Variants in ATP2B2 observed in about 807,000 individuals in gnomAD.
ATP2B2 encodes the protein plasma membrane calcium-transporting ATPase 2.
A neutral mutation model predicts 120.0 loss-of-function variants in ATP2B2; 15 were observed. The ratio of observed to expected loss-of-function variants is 0.12; its 90% confidence interval spans 0.08 to 0.19. The LOEUF is 0.19. Among genes scored for constraint, ATP2B2 ranks in the 10% least tolerant of loss-of-function variants. The probability of loss-of-function intolerance (pLI) is 1.00; values close to 1 mark genes in which losing one functional copy is unlikely to be tolerated. For synonymous variants in ATP2B2, 694 were observed against 700.3 expected (o/e 0.99, Z 0.14); for missense variants, 1,045 against 1,719.8 (o/e 0.61, Z 6.94).
rs144428085 is a variant in ATP2B2, at chr3:10,417,744, G to A, written c.200-6929C>T. On this transcript the variant is annotated intron_variant, in intron 2 of 22. Coordinates refer to ENST00000360273, the MANE Select transcript of ATP2B2 (RefSeq NM_001001331.4). ...ACAGGAGTGTCAGGAAGGATCGCCT[G>A]GCAGAAGTGTAGTTGTAATTGGGTG... is the stretch of plus-strand genomic sequence containing the variant. 2.6e-5 allele frequency among the ~76,000 whole-genome samples: 4 copies of A among 152,320 alleles called. No individual in the cohort carries two copies. The East Asian group carries it at 5.8e-4, about 22-fold the overall frequency.
chr3:10,573,956 C>A (rs1031115790), intron 2 of ATP2B2, among the ~76,000 whole-genome samples: 2 of 152,180 alleles, frequency 1.3e-5, no homozygotes, highest in African/African-American at 4.8e-5. Context: ...CAAACATTCA[C>A]TCAGCAGCCA....
intron 2 of ATP2B2, among the ~76,000 whole-genome samples, chr3:10,578,188 A>G (rs2068297942): frequency 6.6e-6 from 1 of 152,206 alleles, no homozygotes; most frequent in Non-Finnish European, 1.5e-5. Flanking sequence ...AACATGGAGC[A>G]ACAGAGGCTC....
At chr3:10,534,614 G>A (rs1006945582) in intron 2 of ATP2B2, among the ~76,000 whole-genome samples, 7 of 152,272 alleles carry the variant, frequency 4.6e-5, no homozygotes, top group African/African-American at 1.7e-4. Context: ...GGGCAGAGGG[G>A]GTGTGAAAGA....
chr3:10,420,022 G>A (rs1012734819), intron 2 of ATP2B2, among the ~76,000 whole-genome samples: 19 of 152,238 alleles, frequency 1.2e-4, no homozygotes, highest in African/African-American at 4.6e-4. Flanking sequence ...TAGCCTGAGA[G>A]GCACCCAGAA....
At chr3:10,618,281 A>G (rs1047905583) in intron 2 of ATP2B2, among the ~76,000 whole-genome samples, 1 of 152,140 alleles carries the variant, frequency 6.6e-6, no homozygotes, top group Non-Finnish European at 1.5e-5. Flanking sequence ...GGGGATAATC[A>G]TTGCGTCTTG....
chr3:10,466,725 T>C (rs1297769628), intron 1 of ATP2B2, among the ~76,000 whole-genome samples: 3 of 152,160 alleles, frequency 2.0e-5, no homozygotes, highest in Non-Finnish European at 4.4e-5. Context: ...CTGAACCCAA[T>C]GACAGAACAA....
chr3:10,602,263 T>A (rs1436836883), intron 2 of ATP2B2, among the ~76,000 whole-genome samples: 1 of 152,246 alleles, frequency 6.6e-6, no homozygotes, highest in East Asian at 1.9e-4. Context: ...ACCCCCTTTT[T>A]TCTCCTTGTC....
chr3:10,384,759 C>G (rs905589256), intron 8 of ATP2B2, among the ~76,000 whole-genome samples: 1 of 152,252 alleles, frequency 6.6e-6, no homozygotes, highest in Non-Finnish European at 1.5e-5. Context: ...AAACTGTTTA[C>G]TGCTGGCTCA....
chr3:10,701,916 C>A (rs1037374760), intron 1 of ATP2B2, among the ~76,000 whole-genome samples: 1 of 152,152 alleles, frequency 6.6e-6, no homozygotes, highest in African/African-American at 2.4e-5. Context: ...TCAGTCTCAC[C>A]TTCTGCGAAA....
At chr3:10,495,095 T>C (rs1169602288) in intron 1 of ATP2B2, among the ~76,000 whole-genome samples, 1 of 152,206 alleles carries the variant, frequency 6.6e-6, no homozygotes, top group Non-Finnish European at 1.5e-5. Flanking sequence ...AAGGACATGG[T>C]CAATTCCTGG....
At chr3:10,354,775 T>G (rs2060667075) in intron 14 of ATP2B2, among the ~76,000 whole-genome samples, 1 of 152,202 alleles carries the variant, frequency 6.6e-6, no homozygotes, top group Admixed American at 6.5e-5. Context: ...TTTCTTGCAG[T>G]TGCAAAATGA....
At chr3:10,420,631 G>C (rs1271876461) in intron 2 of ATP2B2, among the ~76,000 whole-genome samples, 1 of 152,208 alleles carries the variant, frequency 6.6e-6, no homozygotes, top group Admixed American at 6.5e-5. Context: ...CAAAGTGCTG[G>C]GATTACAGGT....
intron 2 of ATP2B2, among the ~76,000 whole-genome samples, chr3:10,567,263 G>C (rs1016652053): frequency 1.3e-5 from 2 of 152,226 alleles, no homozygotes; most frequent in African/African-American, 4.8e-5. Flanking sequence ...CAGTGAAAGT[G>C]GGTTTGCAAC....
At chr3:10,418,287 A>G (rs1221277591) in intron 2 of ATP2B2, among the ~76,000 whole-genome samples, 1 of 152,256 alleles carries the variant, frequency 6.6e-6, no homozygotes, top group African/African-American at 2.4e-5. Context: ...AGCTACTTAT[A>G]AAGTGGAACA....
At chr3:10,331,385 A>T (rs1248904648) in intron 22 of ATP2B2, among the ~76,000 whole-genome samples, 1 of 152,188 alleles carries the variant, frequency 6.6e-6, no homozygotes, top group Non-Finnish European at 1.5e-5. Context: ...GTGTGTTCTG[A>T]GGTTGAAGTG....
intron 1 of ATP2B2, among the ~76,000 whole-genome samples, chr3:10,620,165 G>T (rs2069506446): frequency 6.6e-6 from 1 of 152,204 alleles, no homozygotes; most frequent in Non-Finnish European, 1.5e-5. Context: ...CCAGGTGCCA[G>T]CAGGATGGGC....
intron 1 of ATP2B2, among the ~76,000 whole-genome samples, chr3:10,459,892 C>T (rs1257945528): frequency 6.6e-6 from 1 of 152,232 alleles, no homozygotes; most frequent in Admixed American, 6.5e-5. Flanking sequence ...GCAGGGCCAG[C>T]CCTCTCTCAT....
rs1440965717 is a variant in ATP2B2 at position 10,355,893 on chromosome 3, GAAACCC to G, written c.2136+2792_2136+2797del. 2.4e-3 allele frequency among the ~76,000 whole-genome samples: 133 copies of G among 55,700 alleles called. 49 individuals are homozygous for G. In the East Asian group the frequency reaches 0.23, roughly 94 times the overall value. The allele number at this position is 55,700 out of a possible 152,430, so 36.5% of individuals were successfully genotyped here. A position where few individuals can be genotyped will look rare whatever the true frequency, so the allele number is the denominator to read the frequency against. On this transcript the variant is annotated intron_variant, in intron 14 of 22. Transcript: ENST00000360273. The stretch of plus-strand genomic sequence containing the variant: ...TCGAGACCATCCTGGCTAACACGGT[GAAACCC>G]CGTCTCTACTAAAAAAATACAAAAA...
chr3:10,463,223 G>T (rs1417039742), intron 1 of ATP2B2, among the ~76,000 whole-genome samples: 5 of 152,068 alleles, frequency 3.3e-5, no homozygotes, highest in African/African-American at 1.2e-4. Context: ...GGTGGGTTTT[G>T]CCAGCTTGCC....
Sources: gnomAD v4.1 joint callset for allele counts (sites outside exome capture counted in the v4.1 genomes callset) on GRCh38, gnomAD v4.1.1 for gene constraint, MANE v1.5 for transcripts, NCBI Gene and HGNC (gene_info 2026-07-23, HGNC 2026-07-21) for gene names.